The following ARFGEF1 variants were observed in gnomAD, a reference collection of about 807,000 sequenced individuals.
ARFGEF1 encodes the protein brefeldin A-inhibited guanine nucleotide-exchange protein 1.
Under a neutral mutation model 231.0 loss-of-function variants are expected in ARFGEF1, and 42 were observed. That is an observed-to-expected ratio of 0.18 (90% CI 0.14 to 0.24). The LOEUF (loss-of-function observed/expected upper bound fraction) is 0.24, where lower values mean the gene tolerates loss of function less well. Among genes scored for constraint, ARFGEF1 ranks in the 10% least tolerant of loss-of-function variants. The pLI, the probability that ARFGEF1 is intolerant of heterozygous loss-of-function variation, is 1.00. For synonymous variants in ARFGEF1, 710 were observed against 732.3 expected (o/e 0.97, Z 0.49); for missense variants, 1,345 against 2,192.0 (o/e 0.61, Z 7.72).
chr8:67,287,956 T>C lies in ARFGEF1; in HGVS notation c.1026A>G (p.Gly342=). ...ATAATTTTGAATGAAGTATACTACC[T>C]CCAACAACAATGTTCACCATTTCTT... ...IVEEMVNIVV[G]DMGEGTTINA... The change falls in exon 7 of 39, where the codon GGA becomes GGG. Residue 342 remains glycine (G), a splice_region_variant and synonymous_variant. Coordinates refer to ENST00000262215, the MANE Select transcript of ARFGEF1 (RefSeq NM_006421.5). 6.3e-7 allele frequency: 1 copy of C among 1,577,666 alleles called. No homozygotes were observed.
intron 7 of ARFGEF1, among the ~76,000 whole-genome samples, chr8:67,282,857 A>AAAAAG (rs1805594574): frequency 6.6e-6 from 1 of 151,800 alleles, no homozygotes; most frequent in Non-Finnish European, 1.5e-5. Context: ...CAAAAAAAAA[A>AAAAAG]AAAGAAAGAA....
intron 1 of ARFGEF1, among the ~76,000 whole-genome samples, chr8:67,339,591 T>C (rs997258473): frequency 2.0e-5 from 3 of 151,980 alleles, no homozygotes; most frequent in Non-Finnish European, 4.4e-5. Flanking sequence ...ATAGCTCAGC[T>C]GTTGTCTCAT....
intron 1 of ARFGEF1, among the ~76,000 whole-genome samples, chr8:67,341,092 A>G (rs1300706038): frequency 1.3e-5 from 2 of 152,168 alleles, no homozygotes; most frequent in Non-Finnish European, 2.9e-5. Context: ...GACTTGCCTA[A>G]TACTACAACG....
chr8:67,235,341 G>A (rs774066472), intron 22 of ARFGEF1, among the ~76,000 whole-genome samples: 2 of 151,902 alleles, frequency 1.3e-5, no homozygotes, highest in African/African-American at 2.4e-5. Context: ...AAGGCTTCAC[G>A]TATGATGAAA....
intron 17 of ARFGEF1, among the ~76,000 whole-genome samples, 158 bp downstream of exon 17, chr8:67,257,574 T>A (rs984025707): frequency 2.6e-5 from 4 of 152,188 alleles, no homozygotes; most frequent in Admixed American, 6.5e-5. Flanking sequence ...CTACCAGAAG[T>A]TGCCTTTGTA....
At chr8:67,297,117 C>T (rs969529080) in intron 4 of ARFGEF1, among the ~76,000 whole-genome samples, 8 of 152,170 alleles carry the variant, frequency 5.3e-5, no homozygotes, top group Non-Finnish European at 1.0e-4. Context: ...TTCCTCACTG[C>T]GGCAGTAATT....
chr8:67,229,269 C>G (rs1839478723), intron 23 of ARFGEF1, among the ~76,000 whole-genome samples: 5 of 152,060 alleles, frequency 3.3e-5, no homozygotes, highest in African/African-American at 1.2e-4. Context: ...CAAACCAGGA[C>G]AGGGTGATTA....
chr8:67,222,985 G>A (rs1384404599), intron 29 of ARFGEF1, among the ~76,000 whole-genome samples: 2 of 152,222 alleles, frequency 1.3e-5, no homozygotes, highest in Non-Finnish European at 2.9e-5. Context: ...AATAGGCTAT[G>A]CCATCTAGAT....
chr8:67,314,937 G>A (rs1807236273), intron 1 of ARFGEF1, among the ~76,000 whole-genome samples: 1 of 152,132 alleles, frequency 6.6e-6, no homozygotes, highest in Admixed American at 6.5e-5. Context: ...CTACTCAGGA[G>A]GCTGAGTCAG....
At chr8:67,272,639 T>A (rs1805144574) in intron 9 of ARFGEF1, among the ~76,000 whole-genome samples, 2 of 152,206 alleles carry the variant, frequency 1.3e-5, no homozygotes, top group Non-Finnish European at 2.9e-5. Flanking sequence ...TTAGTATTAA[T>A]ACACAACAGT....
At chr8:67,260,258 A>G (rs1331598999) in intron 14 of ARFGEF1, among the ~76,000 whole-genome samples, 2 of 152,218 alleles carry the variant, frequency 1.3e-5, no homozygotes, top group African/African-American at 2.4e-5. Flanking sequence ...CATGTAGTAG[A>G]CGAACTTTGA....
At chr8:67,185,148 A>G (rs1248119922) in intron 5 of ARFGEF1, among the ~76,000 whole-genome samples, 2 of 151,674 alleles carry the variant, frequency 1.3e-5, no homozygotes, top group African/African-American at 2.4e-5. Context: ...AACAAAAAAC[A>G]CAACATAGTC....
At chr8:67,185,723 G>C (rs1834381064) in intron 5 of ARFGEF1, among the ~76,000 whole-genome samples, 1 of 152,086 alleles carries the variant, frequency 6.6e-6, no homozygotes, top group African/African-American at 2.4e-5. Context: ...AAAACTTGCT[G>C]CTGCTGAAGA....
Position 67,226,000 on chromosome 8 carries a change from T to C in ARFGEF1, c.4077+23A>G, listed in dbSNP as rs749011186. ...ATTGGAAAGAATACTCTGCAAAATT[T>C]TGTTTACTAAATGACGCTATACCTG... On this transcript the variant is annotated intron_variant, in intron 28 of 38. Transcript: ENST00000262215. 3.2e-6 allele frequency: 5 copies of C among 1,557,448 alleles called. No individual in the cohort carries two copies. In the East Asian group the frequency reaches 9.2e-5, roughly 29 times the overall value.
At chr8:67,310,845 G>A (rs555581338) in intron 1 of ARFGEF1, among the ~76,000 whole-genome samples, 2 of 151,850 alleles carry the variant, frequency 1.3e-5, no homozygotes, top group Non-Finnish European at 2.9e-5. Flanking sequence ...GAGAAGTGAG[G>A]AGCCCCTCCG....
intron 9 of ARFGEF1, among the ~76,000 whole-genome samples, chr8:67,275,254 G>GA (rs1805264417): frequency 6.6e-6 from 1 of 151,160 alleles, no homozygotes; most frequent in African/African-American, 2.4e-5. Context: ...CAATATTAGA[G>GA]GTGGGCGACT....
chr8:67,199,002 G>GA lies in ARFGEF1; in HGVS notation c.5481dup (p.Leu1828SerfsTer14). 6.2e-7 allele frequency: 1 copy of GA among 1,612,368 alleles called. No homozygotes were observed. Among genetic ancestry groups the GA allele is most frequent in the Non-Finnish European group, 8.5e-7 (1 of 1,179,536 alleles). Reference sequence around the variant, plus strand: ...ATCTGAAAAACTACTCCGATTCGCAGAAAAAATCTTCTAAGAACAGCACGA... The same window carrying GA: ...ATCTGAAAAACTACTCCGATTCGCAGAAAAAAATCTTCTAAGAACAGCACGA... On this transcript the variant is annotated frameshift_variant, in exon 39 of 39. Transcript: ENST00000262215. LOFTEE classifies it high-confidence loss of function.
chr8:67,203,017 G>A (rs1479206370), intron 36 of ARFGEF1, 66 bp downstream of exon 36: 2 of 1,502,124 alleles, frequency 1.3e-6, no homozygotes, highest in Admixed American at 1.9e-5. Context: ...TGAGTTCTGA[G>A]ACCTGTATGT....
At chr8:67,334,131 C>T (rs1259995947) in intron 1 of ARFGEF1, among the ~76,000 whole-genome samples, 2 of 135,604 alleles carry the variant, frequency 1.5e-5, no homozygotes, top group South Asian at 2.3e-4. Context: ...AGCTAAACTC[C>T]GTCTCAAAAA....
Sources: allele counts gnomAD v4.1 joint callset (sites outside exome capture counted in the v4.1 genomes callset), GRCh38; gene constraint gnomAD v4.1.1; transcripts MANE v1.5; gene names NCBI Gene and HGNC (gene_info 2026-07-23, HGNC 2026-07-21).